Variants in LAMA2 observed in about 807,000 individuals in gnomAD.
LAMA2 encodes laminin subunit alpha 2, also known as laminin subunit alpha-2.
LAMA2 carries 269 observed loss-of-function variants against 364.8 expected under a neutral mutation model. The ratio of observed to expected loss-of-function variants is 0.74; its 90% CI spans 0.67 to 0.82. The LOEUF (loss-of-function observed/expected upper bound fraction) is 0.82. LAMA2 is among the 40% of genes least tolerant of loss of function. The pLI, the probability that LAMA2 is intolerant of heterozygous loss-of-function variation, is 0.00. For missense variants in LAMA2, 3,807 were observed against 3,873.2 expected, an observed-to-expected ratio of 0.98 and a Z score of 0.45; for synonymous variants, 1,379 against 1,370.6, an observed-to-expected ratio of 1.01 and a Z score of -0.14.
intron 12 of LAMA2, among the ~76,000 whole-genome samples, chr6:129,205,499 C>T (rs34876927): frequency 0.15 from 13,415 of 92,280 alleles, 819 homozygotes; most frequent in African/African-American, 0.25. Context: ...TATATACACA[C>T]ACACACACAC....
chr6:128,898,812 T>C (rs748024014), intron 1 of LAMA2, among the ~76,000 whole-genome samples: 10 of 152,366 alleles, frequency 6.6e-5, no homozygotes, highest in Non-Finnish European at 1.2e-4. Context: ...TTTTCTCTGA[T>C]TTCAAATTAT....
At chr6:129,362,524 T>C (rs1777525551) in intron 32 of LAMA2, among the ~76,000 whole-genome samples, 1 of 152,178 alleles carries the variant, frequency 6.6e-6, no homozygotes, top group South Asian at 2.1e-4. Context: ...GCCATTCTCT[T>C]TGTCCAAAGT....
chr6:129,456,354 A>C lies in LAMA2; in HGVS notation c.6727A>C (p.Ile2243Leu). The change falls in exon 48 of 65, where the codon ATT (isoleucine) becomes CTT (leucine). Residue 2243 changes from isoleucine (I) to leucine (L), a missense_variant. Ile to Leu is a conservative substitution (Grantham distance 5, BLOSUM62 2). Coordinates refer to ENST00000421865, the MANE Select transcript of LAMA2 (RefSeq NM_000426.4). Reference protein sequence around the residue: ...VASRTGRNGTISVRALDGPKA... With the variant: ...VASRTGRNGTLSVRALDGPKA... Reference sequence around the variant, plus strand: ...TTGAAGAACTGGGAGAAATGGAACTATTTCTGTGAGAGCCCTGGATGGACC... The same window carrying C: ...TTGAAGAACTGGGAGAAATGGAACTCTTTCTGTGAGAGCCCTGGATGGACC... 1 of 1,613,512 alleles carries C rather than the reference A, an allele frequency of 6.2e-7. No individual in the cohort carries two copies. The highest frequency in any genetic ancestry group is 1.1e-5 in the South Asian group (1 of 91,084).
chr6:128,931,312 C>T (rs143244230), intron 1 of LAMA2, among the ~76,000 whole-genome samples: 1 of 152,242 alleles, frequency 6.6e-6, no homozygotes, highest in African/African-American at 2.4e-5. Flanking sequence ...TTTGCAGTGG[C>T]CATTTCTAGC....
intron 32 of LAMA2, among the ~76,000 whole-genome samples, chr6:129,357,346 A>T (rs910206586): frequency 1.3e-5 from 2 of 152,088 alleles, no homozygotes; most frequent in Non-Finnish European, 2.9e-5. Flanking sequence ...AACAGAAATT[A>T]AAATTAGTAT....
intron 1 of LAMA2, among the ~76,000 whole-genome samples, chr6:128,959,854 A>G (rs1014207023): frequency 6.6e-6 from 1 of 152,038 alleles, no homozygotes. Flanking sequence ...CCCTTGAAAA[A>G]ATGTAGATTC....
At chr6:129,443,456 C>T (rs1252532198) in intron 44 of LAMA2, among the ~76,000 whole-genome samples, 1 of 151,964 alleles carries the variant, frequency 6.6e-6, no homozygotes, top group African/African-American at 2.4e-5. Context: ...GTATGATAGC[C>T]ACATAAAAGT....
At chr6:129,447,415 G>A (rs1782445002) in intron 45 of LAMA2, among the ~76,000 whole-genome samples, 1 of 152,152 alleles carries the variant, frequency 6.6e-6, no homozygotes, top group Non-Finnish European at 1.5e-5. Context: ...CTGAGAAGAG[G>A]GAATGACTTA....
intron 29 of LAMA2, 53 bp from the exon 30 acceptor site, chr6:129,342,290 A>G (rs1776311671): frequency 6.5e-7 from 1 of 1,531,776 alleles, no homozygotes; most frequent in South Asian, 1.1e-5. Flanking sequence ...GATAAATTAC[A>G]TTCTAACTAT....
chr6:129,257,518 T>C (rs1786781510), intron 14 of LAMA2, among the ~76,000 whole-genome samples: 1 of 152,132 alleles, frequency 6.6e-6, no homozygotes, highest in Non-Finnish European at 1.5e-5. Context: ...CATTCTTCTA[T>C]TTTGAAATTT....
At chr6:129,444,250 G>T (rs751622997) in intron 44 of LAMA2, among the ~76,000 whole-genome samples, 2 of 152,164 alleles carry the variant, frequency 1.3e-5, no homozygotes, top group African/African-American at 4.8e-5. Context: ...CTGAGAACTT[G>T]TGAATAAAAG....
intron 12 of LAMA2, among the ~76,000 whole-genome samples, chr6:129,230,511 C>T (rs1784615031): frequency 6.6e-6 from 1 of 151,966 alleles, no homozygotes; most frequent in Non-Finnish European, 1.5e-5. Context: ...GAAGTCTCTT[C>T]TATTGGTCTG....
chr6:129,402,463 A>G lies in LAMA2; in HGVS notation c.5702A>G (p.Asn1901Ser), dbSNP rs1583666878. 1 of 1,614,120 alleles carries G rather than the reference A, an allele frequency of 6.2e-7. No individual in the cohort carries two copies. Among genetic ancestry groups the G allele is most frequent in the Non-Finnish European group, 8.5e-7 (1 of 1,180,010 alleles). ...GCTGAGAGCCACGCAGCTCAGTTGA[A>G]TGACTCATCTGCTGTCCTTGATGGG... is the stretch of plus-strand genomic sequence containing the variant. ...SQAESHAAQL[N>S]DSSAVLDGIL... Residue 1901 changes from asparagine to serine, a missense_variant, in exon 39 of 65, where the codon AAT becomes AGT. Transcript: ENST00000421865.
intron 20 of LAMA2, among the ~76,000 whole-genome samples, chr6:129,296,377 G>A (rs1189194716): frequency 2.0e-5 from 3 of 151,520 alleles, no homozygotes; most frequent in Non-Finnish European, 4.4e-5. Flanking sequence ...GTCATCTGTT[G>A]GAACTGTTAC....
chr6:129,422,681 A>G (rs528300015), intron 40 of LAMA2, among the ~76,000 whole-genome samples: 1 of 152,298 alleles, frequency 6.6e-6, no homozygotes, highest in African/African-American at 2.4e-5. Context: ...TTCTATATTC[A>G]TTAGAGAATT....
chr6:129,286,969 G>GAGAGAA (rs149409017), intron 18 of LAMA2, among the ~76,000 whole-genome samples: 2 of 792 alleles, frequency 2.5e-3, no homozygotes, highest in East Asian at 0.1. Flanking sequence ...AAGAAAGAAA[G>GAGAGAA]AAACAGAGAG....
At chr6:129,115,921 C>T (rs1358234737) in intron 4 of LAMA2, among the ~76,000 whole-genome samples, 1 of 152,074 alleles carries the variant, frequency 6.6e-6, no homozygotes, top group African/African-American at 2.4e-5. Flanking sequence ...TATTTCAGCA[C>T]GTTGCAGAAA....
At chr6:129,344,183 A>G (rs534846412) in intron 30 of LAMA2, among the ~76,000 whole-genome samples, 1 of 152,330 alleles carries the variant, frequency 6.6e-6, no homozygotes, top group African/African-American at 2.4e-5. Flanking sequence ...AGTATAATGA[A>G]TTGAAACAGG....
chr6:129,073,917 A>G (rs1317364288), intron 3 of LAMA2, among the ~76,000 whole-genome samples: 2 of 152,180 alleles, frequency 1.3e-5, no homozygotes, highest in Non-Finnish European at 1.5e-5. Flanking sequence ...TATGTGTCTG[A>G]AAATGTATAA....
Sources: gnomAD v4.1 joint callset for allele counts (sites outside exome capture counted in the v4.1 genomes callset) on GRCh38, gnomAD v4.1.1 for gene constraint, MANE v1.5 for transcripts, NCBI Gene and HGNC (gene_info 2026-07-23, HGNC 2026-07-21) for gene names.